The following LRMDA variants were observed in gnomAD, a reference collection of about 807,000 sequenced individuals.
LRMDA encodes the protein leucine rich melanocyte differentiation associated, also known as leucine-rich melanocyte differentiation-associated protein.
LRMDA carries 18 observed loss-of-function variants against 29.8 expected under a neutral mutation model. That is an observed-to-expected ratio of 0.60 (90% confidence interval 0.42 to 0.90). The LOEUF is 0.90. LRMDA is among the 40% of genes least tolerant of loss of function. The pLI, the probability that LRMDA is intolerant of heterozygous loss-of-function variation, is 0.00. For synonymous variants in LRMDA, 125 were observed against 109.4 expected (o/e 1.14, Z -0.89); for missense variants, 273 against 273.9 (o/e 1.00, Z 0.02).
chr10:76,354,375 C>T (rs1347352570), intron 6 of LRMDA, among the ~76,000 whole-genome samples: 1 of 152,054 alleles, frequency 6.6e-6, no homozygotes, highest in Admixed American at 6.6e-5. Flanking sequence ...GGGAGTTTTC[C>T]CAGGAGGATA....
At chr10:75,876,860 G>A (rs965926087) in intron 2 of LRMDA, among the ~76,000 whole-genome samples, 2 of 152,098 alleles carry the variant, frequency 1.3e-5, no homozygotes, top group South Asian at 2.1e-4. Context: ...GAGTGCCTCC[G>A]TGCTTCTCAG....
chr10:75,723,804 C>T (rs543026622), intron 2 of LRMDA, among the ~76,000 whole-genome samples: 8 of 152,214 alleles, frequency 5.3e-5, no homozygotes, highest in African/African-American at 1.4e-4. Context: ...TAGTTGTTTC[C>T]GTTGTGTGAA....
intron 2 of LRMDA, among the ~76,000 whole-genome samples, chr10:75,601,620 C>T (rs778066393): frequency 3.7e-4 from 57 of 152,056 alleles, no homozygotes; most frequent in Non-Finnish European, 7.2e-4. Context: ...AGGAAAGAAA[C>T]ATTAGGGACT....
rs556180184 is a variant in LRMDA, at chr10:75,974,238, C to T, written c.132-61770C>T. On this transcript the variant is annotated intron_variant, in intron 2 of 6. Coordinates refer to ENST00000611255, the MANE Select transcript of LRMDA (RefSeq NM_001305581.2). The stretch of plus-strand genomic sequence containing the variant: ...TGGGGCAACATGGAGGGGAGGCAAA[C>T]ACACCTTGCTGAGCCTGACTTTGAC... Among the ~76,000 whole-genome samples, 3 of 152,300 alleles carry T rather than the reference C, an allele frequency of 2.0e-5. No homozygotes were observed. The South Asian group carries it at 6.2e-4, about 32-fold the overall frequency.
At chr10:75,920,395 AC>A (rs1846007372) in intron 2 of LRMDA, among the ~76,000 whole-genome samples, 1 of 152,166 alleles carries the variant, frequency 6.6e-6, no homozygotes, top group East Asian at 1.9e-4. Context: ...TGATTGGAGA[AC>A]CTGCTTGTTC....
At chr10:76,289,252 T>G (rs1840309740) in intron 5 of LRMDA, among the ~76,000 whole-genome samples, 1 of 152,176 alleles carries the variant, frequency 6.6e-6, no homozygotes, top group African/African-American at 2.4e-5. Context: ...GGACTTGGAC[T>G]TTACTGAATT....
At chr10:76,463,882 A>G (rs186070145) in intron 6 of LRMDA, among the ~76,000 whole-genome samples, 3 of 149,690 alleles carry the variant, frequency 2.0e-5, no homozygotes, top group East Asian at 3.9e-4. Flanking sequence ...AAAACTAGTC[A>G]GTCCAGTGCC....
intron 4 of LRMDA, among the ~76,000 whole-genome samples, chr10:76,048,893 T>C (rs1460359982): frequency 2.0e-5 from 3 of 152,084 alleles, no homozygotes; most frequent in Non-Finnish European, 2.9e-5. Context: ...ATGCCTAAAG[T>C]AGTGCTGGAT....
chr10:75,441,356 A>C (rs924842299), intron 2 of LRMDA, among the ~76,000 whole-genome samples: 1 of 152,088 alleles, frequency 6.6e-6, no homozygotes, highest in Non-Finnish European at 1.5e-5. Flanking sequence ...GTTGTCTGCT[A>C]TTCTTCCTCT....
chr10:75,691,106 AGATC>A (rs1564541071), intron 2 of LRMDA, among the ~76,000 whole-genome samples: 6 of 83,422 alleles, frequency 7.2e-5, no homozygotes, highest in Non-Finnish European at 1.1e-4. Context: ...ATAGATATAT[AGATC>A]TATATATCTA....
chr10:76,478,841 G>C (rs1329852276), intron 6 of LRMDA, among the ~76,000 whole-genome samples: 2 of 149,582 alleles, frequency 1.3e-5, no homozygotes, highest in East Asian at 4.0e-4. Context: ...GGTGGGAATT[G>C]AACAATGAGA....
intron 2 of LRMDA, among the ~76,000 whole-genome samples, chr10:75,801,108 C>G (rs930437963): frequency 6.6e-6 from 1 of 152,218 alleles, no homozygotes; most frequent in African/African-American, 2.4e-5. Flanking sequence ...CAGACCCTGA[C>G]TTTTTAATGA....
At chr10:76,028,681 C>A (rs545670294) in intron 2 of LRMDA, among the ~76,000 whole-genome samples, 1 of 152,162 alleles carries the variant, frequency 6.6e-6, no homozygotes, top group South Asian at 2.1e-4. Flanking sequence ...ACCCATAGAG[C>A]AATTTGAGCC....
rs529781108 is a variant in LRMDA at position 75,623,922 on chromosome 10, C to G, written c.131+185428C>G. Among the ~76,000 whole-genome samples the G allele has an allele frequency of 2.0e-5, 3 of 152,312 alleles. No homozygotes were observed. The South Asian group carries it at 6.2e-4, about 32-fold the overall frequency. The stretch of plus-strand genomic sequence containing the variant: ...ATTTGTGCTGGATTAGGTTGTTTGT[C>G]TCTGCTGCTGACTAACCATGCAATC... On this transcript the variant is annotated intron_variant, in intron 2 of 6. Coordinates refer to ENST00000611255, the MANE Select transcript of LRMDA (RefSeq NM_001305581.2).
At chr10:76,175,495 C>T (rs1322269957) in intron 5 of LRMDA, among the ~76,000 whole-genome samples, 1 of 152,114 alleles carries the variant, frequency 6.6e-6, no homozygotes, top group Admixed American at 6.5e-5. Context: ...TTTCTCTGGC[C>T]ACTGGTGTGG....
intron 6 of LRMDA, among the ~76,000 whole-genome samples, chr10:76,554,897 G>GGT (rs1554827717): frequency 1.5e-3 from 214 of 146,602 alleles, no homozygotes; most frequent in African/African-American, 5.1e-3. Flanking sequence ...GTGTGTGTGT[G>GGT]GTGTGTGTGT....
chr10:76,299,603 CTTTT>C lies in LRMDA; in HGVS notation c.517-24786_517-24783del, dbSNP rs34214231. On this transcript the variant is annotated intron_variant, in intron 5 of 6. Transcript: ENST00000611255. ...GCCTTTGAACCACCCCCCTTCCTTT[CTTTT>C]TTTTTTTTTTTATGGGACTCATTCC... 0.015 allele frequency among the ~76,000 whole-genome samples: 1,450 copies of C among 99,546 alleles called. 36 individuals carry two copies. In the East Asian group the frequency reaches 0.16, roughly 11 times the overall value. The allele number at this position is 99,546 out of a possible 152,430, so 65.3% of individuals were successfully genotyped here. A position where few individuals can be genotyped will look rare whatever the true frequency, so the allele number is the denominator to read the frequency against.
At chr10:75,836,327 CA>C (rs1466549513) in intron 2 of LRMDA, among the ~76,000 whole-genome samples, 3 of 152,148 alleles carry the variant, frequency 2.0e-5, no homozygotes, top group Non-Finnish European at 2.9e-5. Flanking sequence ...CCTCCACAAG[CA>C]AACCAGGGAA....
intron 5 of LRMDA, among the ~76,000 whole-genome samples, chr10:76,217,903 G>C (rs907392882): frequency 3.9e-5 from 6 of 152,094 alleles, no homozygotes; most frequent in Non-Finnish European, 8.8e-5. Context: ...TCCCAATATT[G>C]CTATTTCCTG....
Sources: allele counts gnomAD v4.1 joint callset (sites outside exome capture counted in the v4.1 genomes callset), GRCh38; gene constraint gnomAD v4.1.1; transcripts MANE v1.5; gene names NCBI Gene and HGNC (gene_info 2026-07-23, HGNC 2026-07-21).